Variants in HPSE2 observed in about 807,000 individuals in gnomAD.
HPSE2 encodes heparanase 2 (inactive), also known as inactive heparanase-2.
Under a neutral mutation model 60.5 loss-of-function variants are expected in HPSE2, and 38 were observed. That is an observed-to-expected ratio of 0.63 (90% CI 0.48 to 0.82). The LOEUF (loss-of-function observed/expected upper bound fraction) is 0.82. Ranked by LOEUF, HPSE2 falls within the 40% of genes least tolerant of loss-of-function variation. The probability of loss-of-function intolerance (pLI) is 0.00; values close to 1 mark genes in which losing one functional copy is unlikely to be tolerated. For missense variants in HPSE2, 713 were observed against 740.4 expected (o/e 0.96, Z 0.43); for synonymous variants, 295 against 293.2 (o/e 1.01, Z -0.06).
At chr10:99,292,448 T>G in the HPSE2 span, among the ~76,000 whole-genome samples, 2 of 152,144 alleles carry the variant, frequency 1.3e-5, no homozygotes, top group East Asian at 3.9e-4. Flanking sequence ...GAACAAGCAT[T>G]CAGGGAGTGC....
At chr10:98,518,133 C>T (rs990532350) in intron 9 of HPSE2, among the ~76,000 whole-genome samples, 3 of 152,140 alleles carry the variant, frequency 2.0e-5, no homozygotes, top group African/African-American at 7.2e-5. Flanking sequence ...ACAGTTTTTG[C>T]CTGGAGTTGG....
At chr10:99,262,056 G>A in the HPSE2 span, among the ~76,000 whole-genome samples, 1 of 152,172 alleles carries the variant, frequency 6.6e-6, no homozygotes, top group Non-Finnish European at 1.5e-5. Flanking sequence ...CGGCTTAGTG[G>A]CTGAAGACTC....
intron 9 of HPSE2, among the ~76,000 whole-genome samples, chr10:98,597,970 CAAAA>C (rs571184082): frequency 0.12 from 6,440 of 53,916 alleles, 141 homozygotes; most frequent in African/African-American, 0.25. Context: ...GACTCCATCT[CAAAA>C]AAAAAAAAAA....
chr10:98,657,045 G>A (rs746394453), intron 6 of HPSE2, among the ~76,000 whole-genome samples: 3 of 152,072 alleles, frequency 2.0e-5, no homozygotes, highest in Non-Finnish European at 2.9e-5. Context: ...TTACAGGCAT[G>A]AGCCACCATG....
At chr10:98,680,905 G>A (rs962756028) in intron 6 of HPSE2, among the ~76,000 whole-genome samples, 8 of 151,938 alleles carry the variant, frequency 5.3e-5, no homozygotes, top group Non-Finnish European at 1.0e-4. Context: ...ACAGGTGCAT[G>A]CCACCACGCC....
At position 99,197,696 on chromosome 10, in the gene HPSE2, CAGAG is replaced by C. The variant is rs1176115072; in HGVS notation, c.448+34648_448+34651del. Among the ~76,000 whole-genome samples the C allele has an allele frequency of 3.2e-4, 48 of 151,998 alleles. 1 individual carries two copies. The highest frequency in any genetic ancestry group is 6.2e-4 in the Non-Finnish European group (42 of 68,008). ...ATGAGTCTGATGAAGATAAACAAGA[CAGAG>C]AGAATATATCATTTTCATAGACTCA... is the stretch of plus-strand genomic sequence containing the variant. On this transcript the variant is annotated intron_variant, in intron 2 of 11. Transcript: ENST00000370552.
At chr10:99,067,451 C>T (rs1009752216) in intron 3 of HPSE2, among the ~76,000 whole-genome samples, 5 of 152,216 alleles carry the variant, frequency 3.3e-5, no homozygotes, top group African/African-American at 9.6e-5. Flanking sequence ...GACATCCAGG[C>T]CTTTCCATAC....
At chr10:99,291,932 C>G in the HPSE2 span, among the ~76,000 whole-genome samples, 1 of 152,116 alleles carries the variant, frequency 6.6e-6, no homozygotes, top group East Asian at 1.9e-4. Context: ...AAGGCCTGCA[C>G]AGGTGTCTGG....
intron 3 of HPSE2, among the ~76,000 whole-genome samples, chr10:98,991,769 A>C (rs572216080): frequency 2.6e-5 from 4 of 152,242 alleles, no homozygotes; most frequent in East Asian, 3.9e-4. Flanking sequence ...ACAAAAAAAA[A>C]CAGTAAGATT....
chr10:98,647,762 T>C (rs1273101111), intron 6 of HPSE2, among the ~76,000 whole-genome samples: 2 of 152,218 alleles, frequency 1.3e-5, no homozygotes, highest in Non-Finnish European at 2.9e-5. Context: ...TACATTAGTT[T>C]TCATCTTCTT....
At chr10:98,856,497 T>G (rs1035368680) in intron 3 of HPSE2, among the ~76,000 whole-genome samples, 6 of 151,874 alleles carry the variant, frequency 4.0e-5, no homozygotes, top group African/African-American at 1.5e-4. Context: ...AGGAAAAAAA[T>G]GCATTACATA....
chr10:99,144,425 G>C, intron 2 of HPSE2, 26 bp from the exon 3 acceptor site: 1 of 1,610,270 alleles, frequency 6.2e-7, no homozygotes. Context: ...AAGAAGGCAG[G>C]CAGCAAAAAC....
At chr10:99,160,898 C>CAAAAAAA (rs60506210) in intron 2 of HPSE2, among the ~76,000 whole-genome samples, 6 of 55,438 alleles carry the variant, frequency 1.1e-4, no homozygotes, top group Non-Finnish European at 1.5e-4. Flanking sequence ...GACTCCGTCT[C>CAAAAAAA]AAAAAAAAAA....
At chr10:99,129,484 T>C (rs530573900) in intron 3 of HPSE2, among the ~76,000 whole-genome samples, 3 of 151,962 alleles carry the variant, frequency 2.0e-5, no homozygotes, top group Non-Finnish European at 4.4e-5. Context: ...AAAGAAACCC[T>C]CAGAACTATA....
chr10:99,073,271 T>C (rs1311880507), intron 3 of HPSE2, among the ~76,000 whole-genome samples: 1 of 152,094 alleles, frequency 6.6e-6, no homozygotes, highest in Admixed American at 6.6e-5. Context: ...GTGGTAGAGA[T>C]ACACAATGGA....
intron 5 of HPSE2, among the ~76,000 whole-genome samples, chr10:98,717,061 C>T (rs1035380499): frequency 1.3e-5 from 2 of 152,112 alleles, no homozygotes; most frequent in Admixed American, 6.6e-5. Context: ...TTCTGTAGAG[C>T]ACTGGCTGCT....
At chr10:98,979,032 AT>A (rs1956149835) in intron 3 of HPSE2, among the ~76,000 whole-genome samples, 1 of 152,118 alleles carries the variant, frequency 6.6e-6, no homozygotes, top group South Asian at 2.1e-4. Context: ...CCGTTTTTAC[AT>A]TTTTGTGCTT....
intron 3 of HPSE2, among the ~76,000 whole-genome samples, chr10:98,768,361 G>C (rs1176632042): frequency 2.6e-5 from 4 of 152,148 alleles, no homozygotes; most frequent in Non-Finnish European, 4.4e-5. Flanking sequence ...GTGGTGGTAG[G>C]AGGAAAGCGG....
chr10:98,657,484 A>C (rs1947105189), intron 6 of HPSE2, among the ~76,000 whole-genome samples: 1 of 152,026 alleles, frequency 6.6e-6, no homozygotes, highest in Admixed American at 6.6e-5. Flanking sequence ...TTATAGGTGC[A>C]CGCCACCACG....
Sources: gnomAD v4.1 joint callset for allele counts (sites outside exome capture counted in the v4.1 genomes callset) on GRCh38, gnomAD v4.1.1 for gene constraint, MANE v1.5 for transcripts, NCBI Gene and HGNC (gene_info 2026-07-23, HGNC 2026-07-21) for gene names.